ACP3: variants seen among roughly 807,000 people sequenced by gnomAD.
The protein encoded by ACP3 is acid phosphatase 3, also known as prostatic acid phosphatase.
In ACP3, 38 loss-of-function variants were observed where a neutral mutation model predicts 45.6. The ratio of observed to expected loss-of-function variants is 0.83; its 90% CI spans 0.64 to 1.09. ACP3 has a LOEUF of 1.09. Among genes scored for constraint, ACP3 ranks in the 50% least tolerant of loss-of-function variants. The pLI, the probability that ACP3 is intolerant of heterozygous loss-of-function variation, is 0.00. For missense variants in ACP3, 466 were observed against 463.2 expected, an observed-to-expected ratio of 1.01 and a Z score of -0.05; for synonymous variants, 162 against 164.7, an observed-to-expected ratio of 0.98 and a Z score of 0.13.
intron 5 of ACP3, among the ~76,000 whole-genome samples, chr3:132,340,523 T>G (rs1937542454): frequency 6.6e-6 from 1 of 152,180 alleles, no homozygotes; most frequent in Non-Finnish European, 1.5e-5. Flanking sequence ...CTGCAATGCT[T>G]TCTTCTAATT....
chr3:132,354,830 T>C (rs956348695), intron 9 of ACP3, among the ~76,000 whole-genome samples: 1 of 152,262 alleles, frequency 6.6e-6, no homozygotes, highest in African/African-American at 2.4e-5. Flanking sequence ...GTTTCACTTT[T>C]ACATTTTATA....
exon 11 of ACP3, chr3:132,368,145 C>A: frequency 5.0e-6 from 1 of 198,920 alleles, no homozygotes; most frequent in Non-Finnish European, 1.0e-5. Flanking sequence ...CAGCCTTTTA[C>A]CTGCAAAGAG....
chr3:132,346,493 C>A (rs1410346242), intron 7 of ACP3, among the ~76,000 whole-genome samples: 1 of 152,184 alleles, frequency 6.6e-6, no homozygotes, highest in Non-Finnish European at 1.5e-5. Context: ...ACATGAGCAA[C>A]AAGATCCAGC....
At chr3:132,344,887 T>TAAATACACATACA (rs778932702) in intron 6 of ACP3, 40 bp from the exon 7 acceptor site, 1 of 1,607,454 alleles carries the variant, frequency 6.2e-7, no homozygotes, top group South Asian at 1.1e-5. Flanking sequence ...GACAGTCATA[T>TAAATACACATACA]AAATACACAT....
chr3:132,346,143 T>C (rs1937606328), intron 7 of ACP3, among the ~76,000 whole-genome samples: 1 of 152,150 alleles, frequency 6.6e-6, no homozygotes, highest in Non-Finnish European at 1.5e-5. Flanking sequence ...GCAAAGCATA[T>C]TAGGGCTGGA....
chr3:132,320,777 A>G (rs1319602532), intron 1 of ACP3, among the ~76,000 whole-genome samples: 3 of 151,706 alleles, frequency 2.0e-5, no homozygotes, highest in African/African-American at 4.8e-5. Context: ...CAGCCTCCCA[A>G]GTAGCTGGGA....
intron 7 of ACP3, among the ~76,000 whole-genome samples, chr3:132,347,692 C>T (rs1338689402): frequency 1.3e-5 from 2 of 152,028 alleles, no homozygotes; most frequent in Non-Finnish European, 2.9e-5. Flanking sequence ...TTATGTTGCC[C>T]AGGCTAGTCT....
intron 4 of ACP3, among the ~76,000 whole-genome samples, chr3:132,336,042 C>T (rs954061138): frequency 1.3e-5 from 2 of 152,122 alleles, no homozygotes; most frequent in Non-Finnish European, 1.5e-5. Flanking sequence ...AGGTGGATCA[C>T]GAGGTCAGGA....
At chr3:132,365,136 G>A (rs1938109451) in intron 10 of ACP3, among the ~76,000 whole-genome samples, 1 of 152,174 alleles carries the variant, frequency 6.6e-6, no homozygotes, top group Non-Finnish European at 1.5e-5. Context: ...ATTAGTACTC[G>A]TTATGTGCCA....
In ACP3 at chr3:132,358,163, GAGGAT is replaced by G. The variant is rs1937958325; in HGVS notation, c.*1286_*1290del. The G allele has an allele frequency of 2.7e-6, 2 of 735,036 alleles. No homozygotes were observed. The highest frequency in any genetic ancestry group is 3.8e-5 in the African/African-American group (2 of 52,252). The allele number at this position is 735,036 out of a possible 1,614,324, so 45.5% of individuals were successfully genotyped here. A position where few individuals can be genotyped will look rare whatever the true frequency, so the allele number is the denominator to read the frequency against. On this transcript the variant is annotated 3_prime_UTR_variant, in exon 10 of 10. Transcript: ENST00000336375. Reference sequence around the variant, plus strand: ...CTTGCATTTTGGAAGGCTGAGGCAGGAGGATCACTTTAGGCCTGGTGTGTTCAAGA... The same window carrying G: ...CTTGCATTTTGGAAGGCTGAGGCAGGCACTTTAGGCCTGGTGTGTTCAAGA...
In ACP3 at chr3:132,356,681, G is replaced by T; in HGVS notation, c.969-5G>T. 1 of 1,613,766 alleles carries T rather than the reference G, an allele frequency of 6.2e-7. No individual in the cohort carries two copies. Among genetic ancestry groups the T allele is most frequent in the Non-Finnish European group, 8.5e-7 (1 of 1,180,004 alleles). ...AGAGCTCTCTCCTCTGCCTTTGTCT[G>T]CCAGGGAGTACTTTGTGGAGATGTA... On this transcript the variant is annotated splice_polypyrimidine_tract_variant and splice_region_variant and intron_variant, in intron 9 of 9. Transcript: ENST00000336375.
In ACP3 at chr3:132,328,288, A is replaced by C. The variant is rs200755203; in HGVS notation, c.142A>C (p.Ser48Arg). The C allele has an allele frequency of 9.4e-5, 151 of 1,613,940 alleles. 2 individuals carry two copies. In the East Asian group the frequency reaches 2.8e-3, roughly 30 times the overall value. ...TCAGGTGTTTCGGCATGGAGACCGA[A>C]GTCCCATTGACACCTTTCCCACTGA... ...VTLVFRHGDRSPIDTFPTDPI... is the reference protein window; with the variant it reads ...VTLVFRHGDRRPIDTFPTDPI... The change falls in exon 2 of 10, where the codon AGT becomes CGT. Residue 48 changes from serine (S) to arginine (R), a missense_variant. By Grantham distance (110) the Ser-to-Arg change is moderately radical (BLOSUM62 -1). Coordinates refer to ENST00000336375, the MANE Select transcript of ACP3 (RefSeq NM_001099.5).
chr3:132,324,116 G>A (rs1019479750), intron 1 of ACP3, among the ~76,000 whole-genome samples: 1 of 151,928 alleles, frequency 6.6e-6, no homozygotes, highest in African/African-American at 2.4e-5. Flanking sequence ...TACTTGGGAG[G>A]GTGAGGCAGG....
chr3:132,325,618 A>ACACACACACACACACC (rs1416576821), intron 1 of ACP3, among the ~76,000 whole-genome samples: 7 of 151,436 alleles, frequency 4.6e-5, no homozygotes, highest in East Asian at 3.9e-4. Context: ...ACACACACAC[A>ACACACACACACACACC]CCCCTTCCAA....
At chr3:132,337,130 GTGAT>G (rs1399005681) in intron 4 of ACP3, among the ~76,000 whole-genome samples, 1 of 151,828 alleles carries the variant, frequency 6.6e-6, no homozygotes, top group Non-Finnish European at 1.5e-5. Flanking sequence ...AGAAATGAAA[GTGAT>G]TGGGAAGGAA....
intron 1 of ACP3, among the ~76,000 whole-genome samples, chr3:132,322,160 G>A (rs977118023): frequency 1.3e-5 from 2 of 152,162 alleles, no homozygotes; most frequent in Non-Finnish European, 2.9e-5. Context: ...TGAAAACCCA[G>A]ACCTTTTCTG....
chr3:132,331,793 A>G lies in ACP3; in HGVS notation c.303+60A>G, dbSNP rs530666130. On this transcript the variant is annotated intron_variant, in intron 3 of 9. Coordinates refer to ENST00000336375, the MANE Select transcript of ACP3 (RefSeq NM_001099.5). ...TTTGAAATAATTAAAATAATTCTGC[A>G]TATATAAAAGTGCTTTGCCTGTTTT... 63 of 1,403,784 alleles carry G rather than the reference A, an allele frequency of 4.5e-5. No homozygotes were observed. In the Middle Eastern group the frequency reaches 7.2e-4, roughly 16 times the overall value. The allele number at this position is 1,403,784 out of a possible 1,614,324, so 87.0% of individuals were successfully genotyped here. A position where few individuals can be genotyped will look rare whatever the true frequency, so the allele number is the denominator to read the frequency against.
chr3:132,339,612 TGG>T (rs1937528960), intron 5 of ACP3, among the ~76,000 whole-genome samples: 1 of 152,206 alleles, frequency 6.6e-6, no homozygotes, highest in Non-Finnish European at 1.5e-5. Context: ...ACACAGTTAT[TGG>T]TTATTACAAA....
Position 132,317,468 on chromosome 3 carries a change from A to G in ACP3, c.12A>G (p.Ala4=), listed in dbSNP as rs1576403154. The G allele has an allele frequency of 6.2e-7, 1 of 1,612,644 alleles. No homozygotes were observed. Among genetic ancestry groups the G allele is most frequent in the East Asian group, 2.2e-5 (1 of 44,842 alleles). Reference sequence around the variant, plus strand: ...CAGCTCTCCTCAACATGAGAGCTGCACCCCTCCTCCTGGCCAGGGCAGCAA... The same window carrying G: ...CAGCTCTCCTCAACATGAGAGCTGCGCCCCTCCTCCTGGCCAGGGCAGCAA... MRA[A]PLLLARAASL... is the part of the protein sequence containing the mutation. The change falls in exon 1 of 10, where the codon GCA becomes GCG. Residue 4 remains alanine, a synonymous_variant. Coordinates refer to ENST00000336375, the MANE Select transcript of ACP3 (RefSeq NM_001099.5).
Sources: allele counts gnomAD v4.1 joint callset (sites outside exome capture counted in the v4.1 genomes callset), GRCh38; gene constraint gnomAD v4.1.1; transcripts MANE v1.5; gene names NCBI Gene and HGNC (gene_info 2026-07-23, HGNC 2026-07-21).